The following SPAG16 variants were observed in gnomAD, a reference collection of about 807,000 sequenced individuals.
SPAG16 encodes the protein sperm-associated antigen 16 protein.
A neutral mutation model predicts 80.4 loss-of-function variants in SPAG16; 86 were observed. The observed-to-expected ratio is 1.07, with a 90% CI of 0.90 to 1.28. The LOEUF is 1.28. SPAG16 is among the 50% of genes most tolerant of loss of function. The probability of loss-of-function intolerance (pLI) is 0.00; values close to 1 mark genes in which losing one functional copy is unlikely to be tolerated. For synonymous variants in SPAG16, 294 were observed against 265.9 expected (o/e 1.11, Z -1.03); for missense variants, 870 against 765.3 (o/e 1.14, Z -1.61).
At chr2:214,260,105 A>T (rs1691028028) in intron 15 of SPAG16, among the ~76,000 whole-genome samples, 1 of 152,176 alleles carries the variant, frequency 6.6e-6, no homozygotes, top group African/African-American at 2.4e-5. Flanking sequence ...ATTAGTGGGT[A>T]GTGTTATTTT....
chr2:213,825,701 C>CT (rs55777958), intron 10 of SPAG16, among the ~76,000 whole-genome samples: 1,828 of 109,556 alleles, frequency 0.017, 10 homozygotes, highest in African/African-American at 0.036. Context: ...TTCTTTCTTT[C>CT]TTTTTTTTTT....
chr2:214,289,417 A>T (rs974483296), intron 15 of SPAG16, among the ~76,000 whole-genome samples: 2 of 152,162 alleles, frequency 1.3e-5, no homozygotes, highest in African/African-American at 4.8e-5. Context: ...TTTTCTATAT[A>T]TAGAGAGCAG....
chr2:214,010,711 A>T (rs1356607800), intron 12 of SPAG16, among the ~76,000 whole-genome samples: 1 of 146,594 alleles, frequency 6.8e-6, no homozygotes, highest in African/African-American at 2.7e-5. Flanking sequence ...TAAACTGTAT[A>T]AAAGTATGGA....
intron 15 of SPAG16, among the ~76,000 whole-genome samples, chr2:214,178,460 A>C (rs1036638269): frequency 6.6e-6 from 1 of 151,312 alleles, no homozygotes; most frequent in African/African-American, 2.4e-5. Context: ...GTGCTGAGGA[A>C]ACATCTGGAT....
chr2:214,103,926 G>T (rs1210967100), intron 13 of SPAG16, among the ~76,000 whole-genome samples: 3 of 148,896 alleles, frequency 2.0e-5, no homozygotes, highest in African/African-American at 7.5e-5. Flanking sequence ...AGTGGGGGTT[G>T]GAGGGAGAGA....
chr2:214,338,618 T>C (rs923694130), intron 15 of SPAG16, among the ~76,000 whole-genome samples: 1 of 152,234 alleles, frequency 6.6e-6, no homozygotes, highest in African/African-American at 2.4e-5. Context: ...TGATTCTCTC[T>C]GGGACCTTTA....
intron 10 of SPAG16, among the ~76,000 whole-genome samples, chr2:213,547,995 T>C (rs1047979418): frequency 1.3e-5 from 2 of 152,210 alleles, no homozygotes; most frequent in Non-Finnish European, 2.9e-5. Flanking sequence ...ATCAGCCTTT[T>C]GTCCAATATT....
intron 6 of SPAG16, among the ~76,000 whole-genome samples, chr2:213,342,418 G>A (rs555182429): frequency 1.1e-4 from 17 of 148,600 alleles, no homozygotes; most frequent in African/African-American, 3.9e-4. Flanking sequence ...TCAGAAAGGA[G>A]GATAGAACTG....
intron 15 of SPAG16, among the ~76,000 whole-genome samples, chr2:214,172,563 G>A (rs1291571213): frequency 6.6e-6 from 1 of 152,056 alleles, no homozygotes; most frequent in Non-Finnish European, 1.5e-5. Context: ...ATAAACATAC[G>A]TGTGCATGTG....
chr2:213,619,175 CT>C (rs940537546), intron 10 of SPAG16, among the ~76,000 whole-genome samples: 1 of 152,244 alleles, frequency 6.6e-6, no homozygotes, highest in African/African-American at 2.4e-5. Flanking sequence ...ACTGTGGACC[CT>C]TCCCTCTCAG....
At chr2:214,259,309 T>C (rs1238396796) in intron 15 of SPAG16, among the ~76,000 whole-genome samples, 1 of 151,488 alleles carries the variant, frequency 6.6e-6, no homozygotes, top group African/African-American at 2.4e-5. Flanking sequence ...ACCTTGTGCA[T>C]TCCTGATTCA....
chr2:213,788,807 T>A (rs1300148703), intron 10 of SPAG16, among the ~76,000 whole-genome samples: 3 of 151,928 alleles, frequency 2.0e-5, no homozygotes, highest in Non-Finnish European at 2.9e-5. Context: ...GCTCTTATAT[T>A]TGTTTTTGTT....
chr2:213,300,178 C>G (rs2062678343), intron 3 of SPAG16, among the ~76,000 whole-genome samples: 1 of 152,052 alleles, frequency 6.6e-6, no homozygotes, highest in South Asian at 2.1e-4. Context: ...ATGACAGTAG[C>G]AAGACACCCA....
chr2:214,032,996 T>A (rs960772560), intron 13 of SPAG16, among the ~76,000 whole-genome samples: 3 of 151,988 alleles, frequency 2.0e-5, no homozygotes, highest in African/African-American at 7.3e-5. Flanking sequence ...AACACACACA[T>A]CTCCTCTGAC....
At chr2:214,212,529 C>T (rs1039305035) in intron 15 of SPAG16, among the ~76,000 whole-genome samples, 16 of 152,236 alleles carry the variant, frequency 1.1e-4, no homozygotes, top group Non-Finnish European at 1.6e-4. Context: ...TTCACAAGGG[C>T]TTCCACCGTG....
intron 15 of SPAG16, among the ~76,000 whole-genome samples, chr2:214,150,425 A>G (rs2125572746): frequency 6.6e-6 from 1 of 152,176 alleles, no homozygotes; most frequent in Middle Eastern, 3.4e-3. Context: ...GCCAGAATTA[A>G]AAAAAGAAAA....
intron 10 of SPAG16, among the ~76,000 whole-genome samples, chr2:213,674,745 T>C (rs61544755): frequency 0.026 from 3,859 of 150,446 alleles, 92 homozygotes; most frequent in African/African-American, 0.047. Context: ...TAGTATTCCA[T>C]GGTGTATATG....
chr2:214,182,530 G>A (rs1028539135), intron 15 of SPAG16, among the ~76,000 whole-genome samples: 1 of 151,858 alleles, frequency 6.6e-6, no homozygotes, highest in Non-Finnish European at 1.5e-5. Flanking sequence ...TTAGGTAAAT[G>A]TATTTTATAA....
At chr2:213,782,561 C>T (rs551214014) in intron 10 of SPAG16, among the ~76,000 whole-genome samples, 10 of 152,080 alleles carry the variant, frequency 6.6e-5, no homozygotes, top group South Asian at 2.1e-4. Context: ...TAAAGATAAT[C>T]GAGGTAGGTG....
Sources: allele counts gnomAD v4.1 joint callset (sites outside exome capture counted in the v4.1 genomes callset), GRCh38; gene constraint gnomAD v4.1.1; transcripts MANE v1.5; gene names NCBI Gene and HGNC (gene_info 2026-07-23, HGNC 2026-07-21).